Variants in RAPH1 observed in about 807,000 individuals in gnomAD.
The protein encoded by RAPH1 is Ras association (RalGDS/AF-6) and pleckstrin homology domains 1, also known as ras-associated and pleckstrin homology domains-containing protein 1.
RAPH1 carries 18 observed loss-of-function variants against 88.1 expected under a neutral mutation model. The ratio of observed to expected loss-of-function variants is 0.20; its 90% CI spans 0.14 to 0.30. The LOEUF (loss-of-function observed/expected upper bound fraction) is 0.30. Among genes scored for constraint, RAPH1 ranks in the 10% least tolerant of loss-of-function variants. The pLI is 1.00. For synonymous variants in RAPH1, 587 were observed against 559.0 expected (o/e 1.05, Z -0.71); for missense variants, 1,448 against 1,543.2 (o/e 0.94, Z 1.03).
At chr2:203,521,336 G>A (rs1465488277) in intron 1 of RAPH1, among the ~76,000 whole-genome samples, 2 of 152,162 alleles carry the variant, frequency 1.3e-5, no homozygotes, top group Non-Finnish European at 2.9e-5. Context: ...TTACAGGCAT[G>A]AGCCACTGCA....
At chr2:203,458,832 G>A (rs899972364) in intron 7 of RAPH1, among the ~76,000 whole-genome samples, 1 of 151,524 alleles carries the variant, frequency 6.6e-6, no homozygotes, top group African/African-American at 2.4e-5. Context: ...GCACAATCTC[G>A]GCTCAGTGCA....
chr2:203,444,909 C>T lies in RAPH1; in HGVS notation c.1735G>A (p.Glu579Lys), dbSNP rs1482344236. 1 of 1,614,186 alleles carries T rather than the reference C, an allele frequency of 6.2e-7. No homozygotes were observed. The highest frequency in any genetic ancestry group is 8.5e-7 in the Non-Finnish European group (1 of 1,180,030). ...SQSIVSSVFS[E>K]AWKRGTQLEE... ...AACTGAGTGCCTCGTTTCCAGGCTT[C>T]AGAGAATACGGAGCTCACAATGCTC... Residue 579 changes from glutamate (E) to lysine (K), a missense_variant, in exon 13 of 14, where the codon GAA becomes AAA. By Grantham distance (56) the Glu-to-Lys change is moderately conservative. Around this residue, in one of 2 missense-constraint regions of RAPH1, gnomAD observed 935 missense variants for 890.1 expected, o/e 1.05. Coordinates refer to ENST00000319170, the MANE Select transcript of RAPH1 (RefSeq NM_213589.3).
intron 10 of RAPH1, among the ~76,000 whole-genome samples, chr2:203,449,263 G>T (rs2098512698): frequency 6.6e-6 from 1 of 152,138 alleles, no homozygotes; most frequent in Non-Finnish European, 1.5e-5. Context: ...CTTTGACAAA[G>T]CTTCAGTGTC....
At chr2:203,492,044 G>A (rs1294921576) in intron 2 of RAPH1, among the ~76,000 whole-genome samples, 1 of 151,944 alleles carries the variant, frequency 6.6e-6, no homozygotes, top group Non-Finnish European at 1.5e-5. Flanking sequence ...GACCAACTTG[G>A]CCAACGGGGC....
intron 1 of RAPH1, among the ~76,000 whole-genome samples, chr2:203,503,499 C>G (rs1688838847): frequency 6.6e-6 from 1 of 152,124 alleles, no homozygotes; most frequent in Non-Finnish European, 1.5e-5. Context: ...AGACTGGCCC[C>G]CAAGATTCAA....
chr2:203,473,584 G>A (rs2098534989), intron 4 of RAPH1, among the ~76,000 whole-genome samples: 1 of 152,152 alleles, frequency 6.6e-6, no homozygotes, highest in East Asian at 1.9e-4. Context: ...AAAAAAATCA[G>A]TGCTGTGTCT....
At chr2:203,459,588 C>G (rs1330792446) in intron 7 of RAPH1, among the ~76,000 whole-genome samples, 1 of 152,120 alleles carries the variant, frequency 6.6e-6, no homozygotes, top group Non-Finnish European at 1.5e-5. Flanking sequence ...AAATAAACAG[C>G]TGGGTTCAAC....
At chr2:203,517,573 A>T (rs1159034011) in intron 1 of RAPH1, among the ~76,000 whole-genome samples, 1 of 152,136 alleles carries the variant, frequency 6.6e-6, no homozygotes, top group African/African-American at 2.4e-5. Flanking sequence ...ATTCTTCTCA[A>T]GCTCACACTG....
At chr2:203,461,224 CAATT>C in intron 6 of RAPH1, 21 bp downstream of exon 6, 2 of 1,465,786 alleles carry the variant, frequency 1.4e-6, no homozygotes, top group Non-Finnish European at 1.8e-6. Flanking sequence ...AATTAGAAAG[CAATT>C]AAAGCAATGA....
At chr2:203,479,047 C>T (rs77179620) in intron 4 of RAPH1, among the ~76,000 whole-genome samples, 2,253 of 152,066 alleles carry the variant, frequency 0.015, 55 homozygotes, top group African/African-American at 0.051. Flanking sequence ...GAAGTATTAA[C>T]GAATATACGG....
intron 1 of RAPH1, among the ~76,000 whole-genome samples, chr2:203,526,740 A>C (rs1224722792): frequency 6.7e-6 from 1 of 149,950 alleles, no homozygotes; most frequent in Non-Finnish European, 1.5e-5. Context: ...ACAATACACT[A>C]TGAAGTGGAA....
chr2:203,454,955 T>C (rs1048986090), intron 9 of RAPH1, among the ~76,000 whole-genome samples: 5 of 152,164 alleles, frequency 3.3e-5, no homozygotes, highest in African/African-American at 1.2e-4. Flanking sequence ...ACCAGTTAAA[T>C]AGGGGCAACA....
chr2:203,506,824 A>ATATATATCTATATC (rs1559494597), intron 1 of RAPH1, among the ~76,000 whole-genome samples: 1 of 58,712 alleles, frequency 1.7e-5, no homozygotes, highest in African/African-American at 7.9e-5. Context: ...ATATATCTAT[A>ATATATATCTATATC]TATATATCTA....
At chr2:203,466,340 G>C (rs1489329731) in intron 4 of RAPH1, among the ~76,000 whole-genome samples, 1 of 152,158 alleles carries the variant, frequency 6.6e-6, no homozygotes, top group Non-Finnish European at 1.5e-5. Context: ...TTCTCAGAGA[G>C]TGCTATTTGT....
Position 203,477,037 on chromosome 2 carries a change from CTTCA to C in RAPH1, c.732+12543_732+12546del, listed in dbSNP as rs1222135431. On this transcript the variant is annotated intron_variant, in intron 4 of 13. Coordinates refer to ENST00000319170, the MANE Select transcript of RAPH1 (RefSeq NM_213589.3). ...TTGGAGGTCTAATGAATGCATTCCTCTTCATTAAGTCATGCCATGGCATGTTTAT... is the reference window on the plus strand; with the variant it reads ...TTGGAGGTCTAATGAATGCATTCCTCTTAAGTCATGCCATGGCATGTTTAT... The C allele has an allele frequency of 2.8e-6, 4 of 1,406,674 alleles. No homozygotes were observed. The South Asian group carries it at 4.7e-5, about 16-fold the overall frequency. 87.1% of individuals were successfully genotyped at this position (1,406,674 alleles called of 1,614,324 possible). A position where few individuals can be genotyped will look rare whatever the true frequency, so the allele number is the denominator to read the frequency against.
chr2:203,501,871 A>G (rs1449699916), intron 1 of RAPH1, among the ~76,000 whole-genome samples: 1 of 151,716 alleles, frequency 6.6e-6, no homozygotes, highest in Non-Finnish European at 1.5e-5. Context: ...ACTTCAAAGA[A>G]CATTAATACT....
chr2:203,504,504 C>T (rs891325527), intron 1 of RAPH1, among the ~76,000 whole-genome samples: 22 of 152,256 alleles, frequency 1.4e-4, no homozygotes, highest in African/African-American at 4.8e-4. Context: ...ATCCTGGGCC[C>T]GGCCCACGAA....
chr2:203,515,626 A>G (rs1241407344), intron 1 of RAPH1, among the ~76,000 whole-genome samples: 1 of 152,308 alleles, frequency 6.6e-6, no homozygotes, highest in Non-Finnish European at 1.5e-5. Flanking sequence ...TGGAATCCCA[A>G]CTCAAACACT....
intron 1 of RAPH1, among the ~76,000 whole-genome samples, chr2:203,496,425 G>A (rs890082528): frequency 2.6e-5 from 4 of 152,072 alleles, no homozygotes; most frequent in African/African-American, 4.8e-5. Flanking sequence ...GAGAAGATGG[G>A]AAGAAAAATT....
Sources: allele counts gnomAD v4.1 joint callset (sites outside exome capture counted in the v4.1 genomes callset), GRCh38; gene constraint gnomAD v4.1.1; regional missense constraint gnomAD v4.1.1; transcripts MANE v1.5; gene names NCBI Gene and HGNC (gene_info 2026-07-23, HGNC 2026-07-21).